The following ZNF442 variants were observed in gnomAD, a reference collection of about 807,000 sequenced individuals.
ZNF442 encodes zinc finger protein 442.
Under a neutral mutation model 57.0 loss-of-function variants are expected in ZNF442, and 45 were observed. The ratio of observed to expected loss-of-function variants is 0.79; its 90% CI spans 0.62 to 1.01. ZNF442 has a LOEUF of 1.01. Among genes scored for constraint, ZNF442 ranks in the 50% least tolerant of loss-of-function variants. The pLI is 0.00. For missense variants in ZNF442, 690 were observed against 756.5 expected (o/e 0.91, Z 1.03); for synonymous variants, 213 against 241.8 (o/e 0.88, Z 1.10).
chr19:12,367,319 G>A (rs1969544746), upstream of ZNF442, among the ~76,000 whole-genome samples: 1 of 152,114 alleles, frequency 6.6e-6, no homozygotes, highest in Non-Finnish European at 1.5e-5. Flanking sequence ...AATAGGGGAG[G>A]GGGTGTACGA....
chr19:12,349,719 G>C lies in ZNF442; in HGVS notation c.1866C>G (p.His622Gln). The change falls in exon 6 of 6, where the codon CAC (histidine) becomes CAG (glutamine). Residue 622 changes from histidine (H) to glutamine (Q), a missense_variant. Transcript: ENST00000242804. ...LSSLHRHKRT[H>Q]WRDTL is the part of the protein sequence containing the mutation. ...TCCACATTTATAGAGTATCTCTCCA[G>C]TGAGTCCTTTTATGTCTATGCAAGG... 1.2e-6 allele frequency: 2 copies of C among 1,608,294 alleles called. No individual in the cohort carries two copies. The highest frequency in any genetic ancestry group is 1.7e-6 in the Non-Finnish European group (2 of 1,177,416).
At chr19:12,354,960 C>T (rs1969301969) in intron 3 of ZNF442, among the ~76,000 whole-genome samples, 2 of 151,988 alleles carry the variant, frequency 1.3e-5, no homozygotes, top group African/African-American at 4.8e-5. Flanking sequence ...TGAATATGTA[C>T]AGACCTCAAG....
intron 5 of ZNF442, 109 bp downstream of exon 5, chr19:12,351,901 A>C: frequency 1.1e-6 from 1 of 921,310 alleles, no homozygotes; most frequent in East Asian, 2.5e-5. Flanking sequence ...TATAGGAATA[A>C]ATAAGTTTGT....
At chr19:12,366,508 A>G (rs1969532733), upstream of ZNF442, among the ~76,000 whole-genome samples, 1 of 152,144 alleles carries the variant, frequency 6.6e-6, no homozygotes, top group South Asian at 2.1e-4. Context: ...TCTCAAGATA[A>G]TAACTTCGAG....
intron 3 of ZNF442, among the ~76,000 whole-genome samples, chr19:12,357,874 C>T (rs1969359530): frequency 6.6e-6 from 1 of 152,082 alleles, no homozygotes; most frequent in Non-Finnish European, 1.5e-5. Context: ...CCACCATCCT[C>T]CACCCTCCTA....
At position 12,347,658 on chromosome 19, in the gene ZNF442, C is replaced by G. The variant is rs1231838814; in HGVS notation, c.*2043G>C. 6.6e-6 allele frequency: 1 copy of G among 152,252 alleles called. No individual in the cohort carries two copies. The highest frequency in any genetic ancestry group is 1.5e-5 in the Non-Finnish European group (1 of 68,076). 9.4% of individuals were successfully genotyped at this position (152,252 alleles called of 1,614,324 possible). ...CAGAGAATAACGGCCCTAACTGTAA[C>G]AGAACAGCCAGGACTTCCCCAACCC... On this transcript the variant is annotated 3_prime_UTR_variant, in exon 6 of 6. Transcript: ENST00000242804.
rs147384398 is a variant in ZNF442, at chr19:12,350,400, A to G, written c.1185T>C (p.His395=). ...ALSHHSSFRS[H]MIMHTGDGPH... is the part of the protein sequence containing the mutation. ...GTCCATCTCCAGTGTGCATTATCAT[A>G]TGACTTCGAAAGCTTGAGTGATGAG... The change falls in exon 6 of 6, where the codon CAT becomes CAC. Residue 395 remains histidine (H), a synonymous_variant. Coordinates refer to ENST00000242804, the MANE Select transcript of ZNF442 (RefSeq NM_030824.3). 1,279 of 1,613,504 alleles carry G rather than the reference A, an allele frequency of 7.9e-4. No homozygotes were observed. Among genetic ancestry groups the G allele is most frequent in the Non-Finnish European group, 1.1e-3 (1,243 of 1,179,972 alleles).
upstream of ZNF442, among the ~76,000 whole-genome samples, chr19:12,370,594 A>C (rs1379535170): frequency 1.3e-5 from 2 of 152,088 alleles, no homozygotes; most frequent in Non-Finnish European, 2.9e-5. Context: ...AAGGGTCCTG[A>C]AGCTCCCAGG....
In ZNF442 at chr19:12,350,150, C is replaced by T. The variant is rs1438451411; in HGVS notation, c.1435G>A (p.Glu479Lys). 1.9e-6 allele frequency: 3 copies of T among 1,614,028 alleles called. No homozygotes were observed. Among genetic ancestry groups the T allele is most frequent in the African/African-American group, 1.3e-5 (1 of 75,028 alleles). The change falls in exon 6 of 6, where the codon GAA (glutamate) becomes AAA (lysine). Residue 479 changes from glutamate to lysine, a missense_variant. Glu to Lys is a moderately conservative substitution (Grantham distance 56, BLOSUM62 1). Transcript: ENST00000242804. The stretch of plus-strand genomic sequence containing the variant: ...GGCTTCTCTCCAGTGTGAGTTGTTT[C>T]ATGATTTTGAAAGGAATAGAAATCA... ...FIDFYSFQNHETTHTGEKPYE... is the reference protein window; with the variant it reads ...FIDFYSFQNHKTTHTGEKPYE...
chr19:12,368,704 G>C (rs116872558), upstream of ZNF442, among the ~76,000 whole-genome samples: 400 of 152,280 alleles, frequency 2.6e-3, 1 homozygote, highest in Admixed American at 4.3e-3. Flanking sequence ...TCCACAAATT[G>C]AACAGTGGAA....
chr19:12,357,680 G>A (rs540585079), intron 3 of ZNF442, among the ~76,000 whole-genome samples: 1 of 151,986 alleles, frequency 6.6e-6, no homozygotes, highest in Non-Finnish European at 1.5e-5. Context: ...AATTCAGTAG[G>A]ACTAGAGTAT....
chr19:12,351,285 G>T lies in ZNF442; in HGVS notation c.300C>A (p.Arg100=), dbSNP rs1367097665. ...TTTCATTCACAGTACTATCTGGCTG[G>T]CGACTTTCACTAAATCTCTCTATGA... ...CHIIERFSES[R]QPDSTVNEKP... is the part of the protein sequence containing the mutation. The change falls in exon 6 of 6, where the codon CGC becomes CGA. Residue 100 remains arginine (R), a synonymous_variant. Transcript: ENST00000242804. 3.1e-6 allele frequency: 5 copies of T among 1,613,714 alleles called. No individual in the cohort carries two copies. Among genetic ancestry groups the T allele is most frequent in the South Asian group, 1.1e-5 (1 of 91,024 alleles).
In ZNF442 at chr19:12,348,935, C is replaced by T. The variant is rs937706316; in HGVS notation, c.*766G>A. The T allele has an allele frequency of 1.3e-5, 2 of 148,852 alleles. No individual in the cohort carries two copies. The highest frequency in any genetic ancestry group is 4.9e-5 in the African/African-American group (2 of 40,464). 9.2% of individuals were successfully genotyped at this position (148,852 alleles called of 1,614,324 possible). On this transcript the variant is annotated 3_prime_UTR_variant, in exon 6 of 6. Coordinates refer to ENST00000242804, the MANE Select transcript of ZNF442 (RefSeq NM_030824.3). Reference sequence around the variant, plus strand: ...CAGGCTCATGCCTGTAATCCCAGCACTTTGGGAGACCAAGGCAGGCAGATC... The same window carrying T: ...CAGGCTCATGCCTGTAATCCCAGCATTTTGGGAGACCAAGGCAGGCAGATC...
Position 12,349,971 on chromosome 19 carries a change from G to C in ZNF442, c.1614C>G (p.His538Gln). 1.9e-6 allele frequency: 3 copies of C among 1,614,206 alleles called. No homozygotes were observed. The highest frequency in any genetic ancestry group is 2.5e-6 in the Non-Finnish European group (3 of 1,180,020). Residue 538 changes from histidine (H) to glutamine (Q), a missense_variant, in exon 6 of 6, where the codon CAC (histidine) becomes CAG (glutamine). Physicochemically the swap from His to Gln is conservative, Grantham distance 24. Coordinates refer to ENST00000242804, the MANE Select transcript of ZNF442 (RefSeq NM_030824.3). ...TACATTCATATGGCTTCTCTCCAGT[G>C]TGAATCCTTTCATGGACTTTTAAGT... Reference protein sequence around the residue: ...FGNLKVHERIHTGEKPYECKE... With the variant: ...FGNLKVHERIQTGEKPYECKE...
intron 3 of ZNF442, among the ~76,000 whole-genome samples, chr19:12,357,258 G>A (rs990935277): frequency 6.6e-6 from 1 of 151,660 alleles, no homozygotes; most frequent in Non-Finnish European, 1.5e-5. Context: ...GCTGCTCCTG[G>A]GAAGCAGTTC....
Position 12,350,221 on chromosome 19 carries a change from T to C in ZNF442, c.1364A>G (p.His455Arg). The change falls in exon 6 of 6, where the codon CAC becomes CGC. Residue 455 changes from histidine (H) to arginine (R), a missense_variant. His to Arg is a conservative substitution (Grantham distance 29). Transcript: ENST00000242804. ...ACATTTATAGGGTTTCTCTCCAGTG[T>C]GAGTTGTTTCATGTCTTCGAAGGGA... ...SSSLRRHETT[H>R]TGEKPYKCKC... 9 of 1,613,910 alleles carry C rather than the reference T, an allele frequency of 5.6e-6. No homozygotes were observed. Among genetic ancestry groups the C allele is most frequent in the Non-Finnish European group, 7.6e-6 (9 of 1,180,024 alleles).
At position 12,351,239 on chromosome 19, in the gene ZNF442, A is replaced by G; in HGVS notation, c.346T>C (p.Cys116Arg). Residue 116 changes from cysteine (C) to arginine (R), a missense_variant, in exon 6 of 6, where the codon TGT (cysteine) becomes CGT (arginine). By Grantham distance (180) the Cys-to-Arg change is radical. Transcript: ENST00000242804. Reference sequence around the variant, plus strand: ...ATTTCTCCACACACACTGCTTTTACATGGATCTACTCCAGGAGGTTTTTCA... The same window carrying G: ...ATTTCTCCACACACACTGCTTTTACGTGGATCTACTCCAGGAGGTTTTTCA... ...VNEKPPGVDP[C>R]KSSVCGEIMG... 5 of 1,614,184 alleles carry G rather than the reference A, an allele frequency of 3.1e-6. No individual in the cohort carries two copies. The highest frequency in any genetic ancestry group is 4.2e-6 in the Non-Finnish European group (5 of 1,180,034).
chr19:12,361,705 T>G (rs1392344257), intron 3 of ZNF442, among the ~76,000 whole-genome samples: 1 of 103,326 alleles, frequency 9.7e-6, no homozygotes, highest in South Asian at 3.7e-4. Flanking sequence ...CCCCTCTCGC[T>G]GTCCCCACGG....
chr19:12,372,974 A>G, the ZNF442 span, among the ~76,000 whole-genome samples: 11 of 152,266 alleles, frequency 7.2e-5, no homozygotes, highest in South Asian at 6.2e-4. Context: ...GGGTTTCACC[A>G]TGTTGGCCAG....
Sources: gnomAD v4.1 joint callset for allele counts (sites outside exome capture counted in the v4.1 genomes callset) on GRCh38, gnomAD v4.1.1 for gene constraint, MANE v1.5 for transcripts, NCBI Gene and HGNC (gene_info 2026-07-23, HGNC 2026-07-21) for gene names.